Variants in MYT1L observed in about 807,000 individuals in gnomAD.
MYT1L encodes myelin transcription factor 1-like protein.
MYT1L carries 12 observed loss-of-function variants against 126.7 expected under a neutral mutation model. The observed-to-expected ratio is 0.09, with a 90% CI of 0.06 to 0.15. The LOEUF is 0.15. Ranked by LOEUF, MYT1L falls within the 10% of genes least tolerant of loss-of-function variation. The pLI, the probability that MYT1L is intolerant of heterozygous loss-of-function variation, is 1.00. For missense variants in MYT1L, 979 were observed against 1,585.2 expected (o/e 0.62, Z 6.49); for synonymous variants, 541 against 604.2 (o/e 0.90, Z 1.53).
chr2:2,185,834 T>C (rs1357057380), intron 2 of MYT1L, among the ~76,000 whole-genome samples: 90 of 88,224 alleles, frequency 1.0e-3, no homozygotes, highest in South Asian at 2.2e-3. Flanking sequence ...GCGTTCCTTC[T>C]GTGAGGGGGA....
chr2:1,956,163 ATCTG>A (rs896831816), intron 8 of MYT1L, among the ~76,000 whole-genome samples: 59 of 151,058 alleles, frequency 3.9e-4, no homozygotes, highest in African/African-American at 1.4e-3. Context: ...TTTACCATCT[ATCTG>A]TCTGCCTGTT....
At position 2,102,065 on chromosome 2, in the gene MYT1L, C is replaced by T. The variant is rs531411958; in HGVS notation, c.-303-47942G>A. On this transcript the variant is annotated intron_variant, in intron 3 of 24. Coordinates refer to ENST00000647738, the MANE Select transcript of MYT1L (RefSeq NM_001303052.2). ...TTATCTCAGAAACCTTCCTTATCTC[C>T]ACCATGGCTGTCACCTTGTCTTCCT... Among the ~76,000 whole-genome samples the T allele has an allele frequency of 3.9e-4, 59 of 152,282 alleles. 1 individual carries two copies. Among genetic ancestry groups the T allele is most frequent in the African/African-American group, 1.3e-3 (56 of 41,554 alleles).
chr2:1,844,790 AC>A (rs1188909582), intron 19 of MYT1L, among the ~76,000 whole-genome samples: 2 of 152,106 alleles, frequency 1.3e-5, no homozygotes, highest in African/African-American at 4.8e-5. Flanking sequence ...TTTGAACCTA[AC>A]AAAAAGTCGC....
At chr2:2,259,336 T>C (rs1182475478) in intron 2 of MYT1L, among the ~76,000 whole-genome samples, 2 of 133,450 alleles carry the variant, frequency 1.5e-5, no homozygotes, top group Non-Finnish European at 3.1e-5. Flanking sequence ...ATGGCACATG[T>C]ATACATATGT....
intron 3 of MYT1L, among the ~76,000 whole-genome samples, chr2:2,082,580 A>G (rs1273334726): frequency 2.6e-5 from 4 of 152,190 alleles, no homozygotes; most frequent in Admixed American, 2.0e-4. Context: ...ATTTATAATA[A>G]TAGAATCATC....
intron 2 of MYT1L, among the ~76,000 whole-genome samples, chr2:2,198,065 G>C (rs2092904066): frequency 6.6e-6 from 1 of 151,614 alleles, no homozygotes; most frequent in Non-Finnish European, 1.5e-5. Context: ...CGTACACAAT[G>C]GAACACTACC....
chr2:1,956,153 T>C (rs1192865971), intron 8 of MYT1L, among the ~76,000 whole-genome samples: 1 of 151,820 alleles, frequency 6.6e-6, no homozygotes, highest in African/African-American at 2.4e-5. Context: ...ATCTACCTAT[T>C]TTACCATCTA....
chr2:1,823,935 C>T (rs370418604), intron 21 of MYT1L, among the ~76,000 whole-genome samples: 8 of 152,222 alleles, frequency 5.3e-5, no homozygotes, highest in African/African-American at 1.4e-4. Context: ...GTGACCATTA[C>T]GTGGCACAGT....
chr2:2,297,126 C>T lies in MYT1L; in HGVS notation c.-520-12623G>A, dbSNP rs116868239. Among the ~76,000 whole-genome samples the T allele has an allele frequency of 1.8e-3, 280 of 152,334 alleles. 7 individuals carry two copies. The East Asian group carries it at 0.046, about 25-fold the overall frequency. On this transcript the variant is annotated intron_variant, in intron 1 of 24. Transcript: ENST00000647738. ...TGCTTCAAGGGAGGGCCAGCAACAA[C>T]ACAAGTATCAGGGGACCTCCCGCCT...
At position 1,947,931 on chromosome 2, in the gene MYT1L, C is replaced by T. The variant is rs1388276967; in HGVS notation, c.153-4597G>A. ...ATCCAGGGTGGTGATGTGTAGAGCA[C>T]ACCACACGACCAAGGGCGTGAGCTC... On this transcript the variant is annotated intron_variant, in intron 8 of 24. Coordinates refer to ENST00000647738, the MANE Select transcript of MYT1L (RefSeq NM_001303052.2). Among the ~76,000 whole-genome samples, 6 of 152,230 alleles carry T rather than the reference C, an allele frequency of 3.9e-5. 1 individual carries two copies. Among genetic ancestry groups the T allele is most frequent in the South Asian group, 2.1e-4 (1 of 4,830 alleles).
At chr2:2,314,971 C>A (rs997387096) in intron 1 of MYT1L, among the ~76,000 whole-genome samples, 4 of 152,158 alleles carry the variant, frequency 2.6e-5, no homozygotes, top group African/African-American at 9.7e-5. Flanking sequence ...ACTGGCTAGC[C>A]ATATGCAGAA....
intron 1 of MYT1L, among the ~76,000 whole-genome samples, chr2:2,294,527 A>G (rs988275526): frequency 1.3e-5 from 2 of 152,070 alleles, no homozygotes; most frequent in African/African-American, 4.8e-5. Context: ...GCCACTGAAC[A>G]CATGCTGGAG....
intron 19 of MYT1L, chr2:1,841,048 C>A (rs181852309): frequency 2.8e-5 from 14 of 494,272 alleles, no homozygotes; most frequent in Non-Finnish European, 5.0e-5. Flanking sequence ...GGACTACAGG[C>A]GGCCACCACC....
At chr2:1,956,507 T>TTCTA (rs201077164) in intron 8 of MYT1L, among the ~76,000 whole-genome samples, 39,669 of 111,598 alleles carry the variant, frequency 0.36, 8,175 homozygotes, top group East Asian at 0.5. Context: ...ATATTTCCTA[T>TTCTA]TCTATCTATC....
At chr2:2,078,291 G>A (rs907838741) in intron 3 of MYT1L, among the ~76,000 whole-genome samples, 1 of 152,004 alleles carries the variant, frequency 6.6e-6, no homozygotes, top group Admixed American at 6.6e-5. Flanking sequence ...GCAGACACAA[G>A]ATATACAGAA....
At chr2:2,175,430 T>C (rs2090619656) in intron 2 of MYT1L, among the ~76,000 whole-genome samples, 1 of 152,086 alleles carries the variant, frequency 6.6e-6, no homozygotes, top group Non-Finnish European at 1.5e-5. Flanking sequence ...TAGCTACTAG[T>C]GGAAATGGGT....
At chr2:1,961,216 A>G (rs1317803429) in intron 8 of MYT1L, among the ~76,000 whole-genome samples, 1 of 152,248 alleles carries the variant, frequency 6.6e-6, no homozygotes, top group Non-Finnish European at 1.5e-5. Context: ...TACAATGTAC[A>G]GTACGCAGGT....
At chr2:2,149,690 C>A (rs549794119) in intron 3 of MYT1L, among the ~76,000 whole-genome samples, 3 of 152,188 alleles carry the variant, frequency 2.0e-5, no homozygotes, top group African/African-American at 7.2e-5. Context: ...CTGCTGAGAA[C>A]GCATTGTTAC....
In MYT1L at chr2:1,887,268, G is replaced by A. The variant is rs889742856; in HGVS notation, c.2642+220C>T. On this transcript the variant is annotated intron_variant, in intron 17 of 24. Transcript: ENST00000647738. The surrounding 1 kb of genome is among the most constrained non-coding windows in gnomAD (Gnocchi z 4.8). The stretch of plus-strand genomic sequence containing the variant: ...CCTGAAGAAAAGCGGCAAAATGCAC[G>A]GGTTAAATGAAAATGACGCCCCCAT... 6 of 510,592 alleles carry A rather than the reference G, an allele frequency of 1.2e-5. No homozygotes were observed. The highest frequency in any genetic ancestry group is 8.3e-5 in the South Asian group (2 of 24,070). 31.6% of individuals were successfully genotyped at this position (510,592 alleles called of 1,614,324 possible). A position where few individuals can be genotyped will look rare whatever the true frequency, so the allele number is the denominator to read the frequency against.
Sources: gnomAD v4.1 joint callset for allele counts (sites outside exome capture counted in the v4.1 genomes callset) on GRCh38, gnomAD v4.1.1 for gene constraint, Gnocchi (gnomAD v3.1) non-coding constraint, MANE v1.5 for transcripts, NCBI Gene and HGNC (gene_info 2026-07-23, HGNC 2026-07-21) for gene names.